The following SYS1 variants were observed in gnomAD, a reference collection of about 807,000 sequenced individuals.
SYS1 encodes SYS1 golgi trafficking protein.
In SYS1, 8 loss-of-function variants were observed where a neutral mutation model predicts 17.8. The observed-to-expected ratio is 0.45, with a 90% confidence interval of 0.26 to 0.81. SYS1 has a LOEUF of 0.81. SYS1 is among the 40% of genes least tolerant of loss of function. The pLI is 0.16. For missense variants in SYS1, 161 were observed against 203.9 expected, an observed-to-expected ratio of 0.79 and a Z score of 1.28; for synonymous variants, 95 against 90.9, an observed-to-expected ratio of 1.05 and a Z score of -0.26.
chr20:45,368,595 T>C lies in SYS1; in HGVS notation c.*1480T>C. ...GAGTAGGGAGTTGATGCTGACAGGA[T>C]GAAGATTTAGGAATAAATATGCCTG... On this transcript the variant is annotated 3_prime_UTR_variant, in exon 4 of 4. Coordinates refer to ENST00000243918, the MANE Select transcript of SYS1 (RefSeq NM_033542.4). 7 of 985,390 alleles carry C rather than the reference T, an allele frequency of 7.1e-6. No individual in the cohort carries two copies. Among genetic ancestry groups the C allele is most frequent in the Non-Finnish European group, 7.2e-6 (6 of 829,926 alleles). 61.0% of individuals were successfully genotyped at this position (985,390 alleles called of 1,614,324 possible).
Position 45,368,213 on chromosome 20 carries a change from C to G in SYS1, c.*1098C>G. The G allele has an allele frequency of 2.0e-6, 2 of 985,440 alleles. No homozygotes were observed. Among genetic ancestry groups the G allele is most frequent in the Non-Finnish European group, 2.4e-6 (2 of 829,948 alleles). 61.0% of individuals were successfully genotyped at this position (985,440 alleles called of 1,614,324 possible). A position where few individuals can be genotyped will look rare whatever the true frequency, so the allele number is the denominator to read the frequency against. Reference sequence around the variant, plus strand: ...TAAAGAATTATTAGGCCACCTTCTCCCTTTCCTGGACCCCAGAGTCATTCC... The same window carrying G: ...TAAAGAATTATTAGGCCACCTTCTCGCTTTCCTGGACCCCAGAGTCATTCC... On this transcript the variant is annotated 3_prime_UTR_variant, in exon 4 of 4. Coordinates refer to ENST00000243918, the MANE Select transcript of SYS1 (RefSeq NM_033542.4).
At position 45,367,058 on chromosome 20, in the gene SYS1, C is replaced by T; in HGVS notation, c.414C>T (p.Cys138=). ...TGGCTGTCATCGGGGAGTACCTGTG[C>T]ATGCGGACGGAGCTCAAGGAGATAC... ...ALMAVIGEYL[C]MRTELKEIPL... is the part of the protein sequence containing the mutation. Residue 138 remains cysteine (C), a synonymous_variant, in exon 4 of 4, where the codon TGC becomes TGT. Coordinates refer to ENST00000243918, the MANE Select transcript of SYS1 (RefSeq NM_033542.4). 6.2e-7 allele frequency: 1 copy of T among 1,614,196 alleles called. No individual in the cohort carries two copies. The highest frequency in any genetic ancestry group is 8.5e-7 in the Non-Finnish European group (1 of 1,180,034).
At chr20:45,366,811 C>A in intron 3 of SYS1, 64 bp from the exon 4 acceptor site, 1 of 1,380,926 alleles carries the variant, frequency 7.2e-7, no homozygotes, top group Non-Finnish European at 1.0e-6. Context: ...ATTGTCCCTA[C>A]CCTCCCAAAT....
chr20:45,375,189 G>T (rs774953211), exon 4 of SYS1: 1 of 1,614,204 alleles, frequency 6.2e-7, no homozygotes, highest in Non-Finnish European at 8.5e-7. Context: ...AGATCCACTG[G>T]TCGGCTACAT....
chr20:45,375,591 G>T (rs764618801), exon 4 of SYS1: 3 of 1,567,154 alleles, frequency 1.9e-6, no homozygotes, highest in Non-Finnish European at 2.6e-6. Context: ...CAGCAGGACC[G>T]AGGCCCTGGT....
downstream of SYS1, among the ~76,000 whole-genome samples, chr20:45,370,920 G>C (rs1988547545): frequency 6.6e-6 from 1 of 152,130 alleles, no homozygotes; most frequent in African/African-American, 2.4e-5. Context: ...GGTAGAAATA[G>C]CATTGAGGCA....
Position 45,363,636 on chromosome 20 carries a change from G to C in SYS1, c.105G>C (p.Ala35=). ...VYYGSLGLWL[A]LVDGLVRSSP... ...ACGGCTCGCTGGGCCTGTGGCTGGC[G>C]CTGGTGGACGGGCTAGTGCGAAGCA... The change falls in exon 2 of 4, where the codon GCG becomes GCC. Residue 35 remains alanine, a synonymous_variant. Coordinates refer to ENST00000243918, the MANE Select transcript of SYS1 (RefSeq NM_033542.4). 1 of 1,581,352 alleles carries C rather than the reference G, an allele frequency of 6.3e-7. No homozygotes were observed. Among genetic ancestry groups the C allele is most frequent in the Non-Finnish European group, 8.6e-7 (1 of 1,164,972 alleles).
downstream of SYS1, chr20:45,373,908 T>G (rs1195385641): frequency 6.2e-7 from 1 of 1,613,726 alleles, no homozygotes. Flanking sequence ...TGGAAGATCT[T>G]ATTTGTAGAC....
chr20:45,375,395 T>G lies in SYS1; in HGVS notation c.*1101T>G, dbSNP rs1026366005. ...GCCAATGACGTTTTCTCCTTGTTCC[T>G]CATCCCTGACTGCACCTGGGACTTC... On this transcript the variant is annotated 3_prime_UTR_variant, in exon 4 of 4. Coordinates refer to the SYS1 transcript ENST00000426004. 2.5e-6 allele frequency: 4 copies of G among 1,614,106 alleles called. No homozygotes were observed. In the African/African-American group the frequency reaches 5.3e-5, roughly 22 times the overall value.
downstream of SYS1, chr20:45,373,768 G>C: frequency 1.3e-6 from 1 of 763,320 alleles, no homozygotes; most frequent in South Asian, 1.6e-5. Flanking sequence ...TGACCTTAGG[G>C]GCCTCGGGGT....
Position 45,364,762 on chromosome 20 carries a change from C to G in SYS1, c.163-857C>G, listed in dbSNP as rs530658517. On this transcript the variant is annotated intron_variant, in intron 2 of 3. Coordinates refer to ENST00000243918, the MANE Select transcript of SYS1 (RefSeq NM_033542.4). ...CTGGGATTACAGGCGTGAGCCACCGCGCCCGGCCGAGCACAGTTCTTAAAG... is the reference window on the plus strand; with the variant it reads ...CTGGGATTACAGGCGTGAGCCACCGGGCCCGGCCGAGCACAGTTCTTAAAG... Among the ~76,000 whole-genome samples, 15 of 152,252 alleles carry G rather than the reference C, an allele frequency of 9.9e-5. No homozygotes were observed. The East Asian group carries it at 2.7e-3, about 27-fold the overall frequency.
chr20:45,368,015 G>A lies in SYS1; in HGVS notation c.*900G>A. 3 of 985,554 alleles carry A rather than the reference G, an allele frequency of 3.0e-6. No individual in the cohort carries two copies. The highest frequency in any genetic ancestry group is 4.7e-5 in the South Asian group (1 of 21,286). 61.1% of individuals were successfully genotyped at this position (985,554 alleles called of 1,614,324 possible). ...GGGCTGTGCTGATAGTGCTGAGGGA[G>A]ATAGGAATTTGCTGCTAAGATTTTT... On this transcript the variant is annotated 3_prime_UTR_variant, in exon 4 of 4. Coordinates refer to ENST00000243918, the MANE Select transcript of SYS1 (RefSeq NM_033542.4).
chr20:45,367,901 C>T lies in SYS1; in HGVS notation c.*786C>T. On this transcript the variant is annotated 3_prime_UTR_variant, in exon 4 of 4. Coordinates refer to ENST00000243918, the MANE Select transcript of SYS1 (RefSeq NM_033542.4). Reference sequence around the variant, plus strand: ...GACCAGGCACCCAGCTCCCACTGGACTCCAATTTTTTTTCCTGCCTTATTT... The same window carrying T: ...GACCAGGCACCCAGCTCCCACTGGATTCCAATTTTTTTTCCTGCCTTATTT... 9.1e-6 allele frequency: 9 copies of T among 985,730 alleles called. No homozygotes were observed. Among genetic ancestry groups the T allele is most frequent in the Non-Finnish European group, 1.1e-5 (9 of 829,952 alleles). The allele number at this position is 985,730 out of a possible 1,614,324, so 61.1% of individuals were successfully genotyped here.
chr20:45,375,108 A>G (rs779451310), exon 4 of SYS1: 8 of 1,613,922 alleles, frequency 5.0e-6, no homozygotes, highest in Admixed American at 1.7e-5. Context: ...GCTTGACCCA[A>G]CGCAGGGTGG....
downstream of SYS1, among the ~76,000 whole-genome samples, chr20:45,370,562 A>G (rs1378905008): frequency 1.3e-5 from 2 of 152,124 alleles, no homozygotes; most frequent in South Asian, 4.1e-4. Flanking sequence ...GAGAGCCACG[A>G]TGGCAGCCAG....
downstream of SYS1, among the ~76,000 whole-genome samples, chr20:45,371,779 A>C (rs749303406): frequency 3.3e-5 from 5 of 152,356 alleles, no homozygotes; most frequent in Admixed American, 1.3e-4. Context: ...GTAGCTGCTG[A>C]TAAGTGAGAA....
At chr20:45,365,595 T>C in intron 2 of SYS1, 24 bp from the exon 3 acceptor site, 2 of 1,613,420 alleles carry the variant, frequency 1.2e-6, no homozygotes, top group South Asian at 1.1e-5. Flanking sequence ...CTCCAGTATA[T>C]TTCCATTTGT....
At chr20:45,374,229 C>T (rs1988649391) in intron 3 of SYS1, 1 of 685,706 alleles carries the variant, frequency 1.5e-6, no homozygotes, top group South Asian at 1.6e-5. Context: ...GCGGTATTTT[C>T]TTCTTTTTTT....
At chr20:45,371,165 C>T (rs74174947), downstream of SYS1, among the ~76,000 whole-genome samples, 114 of 152,036 alleles carry the variant, frequency 7.5e-4, no homozygotes, top group Non-Finnish European at 1.5e-3. Flanking sequence ...TTTGTTTTGT[C>T]TTGTTTTGTT....
Sources: gnomAD v4.1 joint callset for allele counts (sites outside exome capture counted in the v4.1 genomes callset) on GRCh38, gnomAD v4.1.1 for gene constraint, MANE v1.5 for transcripts, NCBI Gene and HGNC (gene_info 2026-07-23, HGNC 2026-07-21) for gene names.